PRDM16: variants seen among roughly 807,000 people sequenced by gnomAD.
PRDM16 encodes PR/SET domain 16.
PRDM16 carries 23 observed loss-of-function variants against 110.6 expected under a neutral mutation model. The observed-to-expected ratio is 0.21, with a 90% CI of 0.15 to 0.29. The LOEUF (loss-of-function observed/expected upper bound fraction) is 0.29. Among genes scored for constraint, PRDM16 ranks in the 10% least tolerant of loss-of-function variants. The pLI, the probability that PRDM16 is intolerant of heterozygous loss-of-function variation, is 1.00. For synonymous variants in PRDM16, 799 were observed against 781.8 expected, an observed-to-expected ratio of 1.02 and a Z score of -0.37; for missense variants, 1,615 against 1,794.3, an observed-to-expected ratio of 0.90 and a Z score of 1.81.
chr1:3,265,201 C>G lies in PRDM16; in HGVS notation c.438+21064C>G, dbSNP rs1640259039. Among the ~76,000 whole-genome samples, 2 of 152,104 alleles carry G rather than the reference C, an allele frequency of 1.3e-5. No homozygotes were observed. The highest frequency in any genetic ancestry group is 2.1e-4 in the South Asian group (1 of 4,826). On this transcript the variant is annotated intron_variant, in intron 3 of 16. Coordinates refer to ENST00000270722, the MANE Select transcript of PRDM16 (RefSeq NM_022114.4). The surrounding 1 kb of genome is among the most constrained non-coding windows in gnomAD (Gnocchi z 4.5). ...GTGGTGGACAGGGATGAGACAGGAG[C>G]AGGGCTCTGGGTCCGGAGAAATTGC...
rs192984267 is a variant in PRDM16, at chr1:3,179,930, C to T, written c.38-6195C>T. Reference sequence around the variant, plus strand: ...CGGTGGACCTTCCCCAGGCTGCCACCGGATTTGTTTGCTCCATCATGACAA... The same window carrying T: ...CGGTGGACCTTCCCCAGGCTGCCACTGGATTTGTTTGCTCCATCATGACAA... On this transcript the variant is annotated intron_variant, in intron 1 of 16. Coordinates refer to ENST00000270722, the MANE Select transcript of PRDM16 (RefSeq NM_022114.4). Among the ~76,000 whole-genome samples the T allele has an allele frequency of 2.2e-4, 33 of 152,220 alleles. No homozygotes were observed. In the East Asian group the frequency reaches 3.1e-3, roughly 14 times the overall value.
At chr1:3,205,722 T>TATGTGTGAGGTTG (rs1553146523) in intron 2 of PRDM16, among the ~76,000 whole-genome samples, 3 of 152,012 alleles carry the variant, frequency 2.0e-5, no homozygotes, top group African/African-American at 7.2e-5. Flanking sequence ...GGGAAGGTGG[T>TATGTGTGAGGTTG]ATGTGTGAGG....
chr1:3,260,101 C>G (rs1640127751), intron 3 of PRDM16, among the ~76,000 whole-genome samples: 1 of 152,194 alleles, frequency 6.6e-6, no homozygotes, highest in Non-Finnish European at 1.5e-5. Context: ...TCTGAAACCC[C>G]ACTCTCAAAA....
In PRDM16 at chr1:3,411,689, C is replaced by G. The variant is rs1643689124; in HGVS notation, c.1492C>G (p.Leu498Val). ...YFPSRPHPGS[L>V]PFSTAPPTFP... ...TCCCTCCAGGCCGCACCCGGGGAGC[C>G]TGCCCTTCTCCACGGCGCCTCCCAC... is the stretch of plus-strand genomic sequence containing the variant. The change falls in exon 9 of 17, where the codon CTG becomes GTG. Residue 498 changes from leucine (L) to valine (V), a missense_variant. Physicochemically the swap from Leu to Val is conservative, Grantham distance 32 (BLOSUM62 1). Around this residue, in one of 5 missense-constraint regions of PRDM16, gnomAD observed 772 missense variants for 748.3 expected, o/e 1.03. Transcript: ENST00000270722. 1.2e-6 allele frequency: 2 copies of G among 1,610,650 alleles called. No individual in the cohort carries two copies. The highest frequency in any genetic ancestry group is 3.3e-5 in the Admixed American group (2 of 59,856).
chr1:3,309,498 C>T (rs1287009899), intron 3 of PRDM16: 2 of 152,282 alleles, frequency 1.3e-5, no homozygotes, highest in South Asian at 2.1e-4. Flanking sequence ...AAGCACATGC[C>T]AGCTCTGTGG....
At position 3,359,590 on chromosome 1, in the gene PRDM16, C is replaced by T. The variant is rs1465728831; in HGVS notation, c.439-25562C>T. Among the ~76,000 whole-genome samples the T allele has an allele frequency of 6.6e-6, 1 of 152,308 alleles. No homozygotes were observed. The highest frequency in any genetic ancestry group is 2.1e-4 in the South Asian group (1 of 4,830). On this transcript the variant is annotated intron_variant, in intron 3 of 16. Coordinates refer to ENST00000270722, the MANE Select transcript of PRDM16 (RefSeq NM_022114.4). This position sits in a 1 kb window ranked among gnomAD's most constrained non-coding sequence, Gnocchi z 4.3. ...AGCTACTCCAGGCTCGGGTTTCAGC[C>T]TCCCCTCCACCTGTCACCGTTGTTT...
chr1:3,259,288 A>T (rs1398259280), intron 3 of PRDM16, among the ~76,000 whole-genome samples: 2 of 152,218 alleles, frequency 1.3e-5, no homozygotes, highest in Non-Finnish European at 2.9e-5. Flanking sequence ...CAGGGGCTGC[A>T]GCTGGGGCTG....
intron 9 of PRDM16, among the ~76,000 whole-genome samples, chr1:3,414,344 A>C (rs566284837): frequency 1.3e-5 from 2 of 152,152 alleles, no homozygotes; most frequent in Non-Finnish European, 2.9e-5. Context: ...GGTGACAGGG[A>C]GGGTCCGTCT....
At chr1:3,294,286 T>C (rs1325828779) in intron 3 of PRDM16, among the ~76,000 whole-genome samples, 1 of 152,088 alleles carries the variant, frequency 6.6e-6, no homozygotes, top group Non-Finnish European at 1.5e-5. Context: ...AGTGGGGGTG[T>C]ATCCAGGCTG....
chr1:3,287,266 GGCGCC>G (rs199757468), intron 3 of PRDM16, among the ~76,000 whole-genome samples: 1 of 148,798 alleles, frequency 6.7e-6, no homozygotes. Context: ...CGGGGCTGGA[GGCGCC>G]CCGCCACGCG....
At chr1:3,313,585 A>G (rs1641518330) in intron 3 of PRDM16, among the ~76,000 whole-genome samples, 1 of 152,228 alleles carries the variant, frequency 6.6e-6, no homozygotes, top group South Asian at 2.1e-4. Flanking sequence ...GGGCCTGCTC[A>G]AGAGTCCTTC....
chr1:3,081,228 G>A lies in PRDM16; in HGVS notation c.37+11932G>A, dbSNP rs550776463. On this transcript the variant is annotated intron_variant, in intron 1 of 16. Transcript: ENST00000270722. This position sits in a 1 kb window ranked among gnomAD's most constrained non-coding sequence, Gnocchi z 4.6. Reference sequence around the variant, plus strand: ...AATCTCATCTGCTAATTACGGCGGCGGGACTTGGGTTCGAGGCCCCTCGCG... The same window carrying A: ...AATCTCATCTGCTAATTACGGCGGCAGGACTTGGGTTCGAGGCCCCTCGCG... 1.2e-4 allele frequency among the ~76,000 whole-genome samples: 19 copies of A among 152,334 alleles called. No individual in the cohort carries two copies. The South Asian group carries it at 1.7e-3, about 13-fold the overall frequency.
intron 3 of PRDM16, among the ~76,000 whole-genome samples, chr1:3,266,439 C>A (rs903963766): frequency 6.6e-6 from 1 of 152,168 alleles, no homozygotes; most frequent in African/African-American, 2.4e-5. Context: ...TTCTCTCCCC[C>A]TGAGAGCCCC....
chr1:3,218,377 G>T (rs1639079476), intron 2 of PRDM16, among the ~76,000 whole-genome samples: 1 of 152,236 alleles, frequency 6.6e-6, no homozygotes, highest in Admixed American at 6.5e-5. Context: ...GTTAGGTGCT[G>T]GCCAGCAGCC....
In PRDM16 at chr1:3,245,181, G is replaced by A. The variant is rs554129564; in HGVS notation, c.438+1044G>A. On this transcript the variant is annotated intron_variant, in intron 3 of 16. Coordinates refer to ENST00000270722, the MANE Select transcript of PRDM16 (RefSeq NM_022114.4). The surrounding 1 kb of genome is among the most constrained non-coding windows in gnomAD (Gnocchi z 4.7). ...CAGAATTACAACTGGATTCCGTGACGCAGCATATGGGCTTGAGGGGTACTG... is the reference window on the plus strand; with the variant it reads ...CAGAATTACAACTGGATTCCGTGACACAGCATATGGGCTTGAGGGGTACTG... Among the ~76,000 whole-genome samples the A allele has an allele frequency of 1.3e-5, 2 of 152,284 alleles. No individual in the cohort carries two copies.
chr1:3,435,404 A>G lies in PRDM16; in HGVS notation c.*1593A>G. On this transcript the variant is annotated 3_prime_UTR_variant, in exon 17 of 17. Coordinates refer to ENST00000270722, the MANE Select transcript of PRDM16 (RefSeq NM_022114.4). ...AGTGGGGCGATTTTTTATGTGCCAA[A>G]TACCCCCGTCCCCCCCATGAATCCT... 4.3e-6 allele frequency: 1 copy of G among 231,108 alleles called. No individual in the cohort carries two copies. Among genetic ancestry groups the G allele is most frequent in the East Asian group, 6.1e-5 (1 of 16,340 alleles). The allele number at this position is 231,108 out of a possible 1,614,324, so 14.3% of individuals were successfully genotyped here.
intron 3 of PRDM16, among the ~76,000 whole-genome samples, chr1:3,336,720 G>C (rs1045890195): frequency 6.7e-6 from 1 of 149,962 alleles, no homozygotes; most frequent in East Asian, 2.0e-4. Context: ...ATGCACATGT[G>C]TGTTGGTGTG....
At chr1:3,324,376 G>C (rs56354021) in intron 3 of PRDM16, among the ~76,000 whole-genome samples, 2 of 152,104 alleles carry the variant, frequency 1.3e-5, no homozygotes, top group Non-Finnish European at 2.9e-5. Flanking sequence ...GCCCTCAAAA[G>C]ACTTCCTAAA....
chr1:3,124,768 G>C (rs1643169330), intron 1 of PRDM16, among the ~76,000 whole-genome samples: 2 of 152,218 alleles, frequency 1.3e-5, no homozygotes, highest in African/African-American at 4.8e-5. Context: ...CCAGCAGGAT[G>C]GGGGGACCTC....
Sources: gnomAD v4.1 joint callset for allele counts (sites outside exome capture counted in the v4.1 genomes callset) on GRCh38, gnomAD v4.1.1 for gene constraint, gnomAD v4.1.1 regional missense constraint, Gnocchi (gnomAD v3.1) non-coding constraint, MANE v1.5 for transcripts, NCBI Gene and HGNC (gene_info 2026-07-23, HGNC 2026-07-21) for gene names.